The following KCND2 variants were observed in gnomAD, a reference collection of about 807,000 sequenced individuals.
KCND2 encodes A-type voltage-gated potassium channel KCND2.
Under a neutral mutation model 54.4 loss-of-function variants are expected in KCND2, and 16 were observed. The observed-to-expected ratio is 0.29, with a 90% CI of 0.20 to 0.45. KCND2 has a LOEUF of 0.45. KCND2 is among the 20% of genes least tolerant of loss of function. KCND2 has a pLI of 1.00. For missense variants in KCND2, 486 were observed against 824.2 expected (o/e 0.59, Z 5.02); for synonymous variants, 317 against 310.7 (o/e 1.02, Z -0.21).
intron 1 of KCND2, among the ~76,000 whole-genome samples, chr7:120,322,170 CT>C (rs1294978048): frequency 1.3e-5 from 2 of 151,210 alleles, no homozygotes; most frequent in African/African-American, 4.9e-5. Context: ...AGTAAAAAAC[CT>C]TTTTTTAAAA....
intron 1 of KCND2, among the ~76,000 whole-genome samples, chr7:120,461,864 G>A (rs1327613887): frequency 1.3e-5 from 2 of 151,976 alleles, no homozygotes; most frequent in African/African-American, 2.4e-5. Flanking sequence ...AAATCAGTGT[G>A]TATGCTTAGT....
Position 120,749,559 on chromosome 7 carries a change from T to G in KCND2, c.*1701T>G, listed in dbSNP as rs760579848. Reference sequence around the variant, plus strand: ...ATGAGATTTTTAAATGCTTATGATATTTAATCATAAAAAGGGATTAATCCA... The same window carrying G: ...ATGAGATTTTTAAATGCTTATGATAGTTAATCATAAAAAGGGATTAATCCA... On this transcript the variant is annotated 3_prime_UTR_variant, in exon 6 of 6. Coordinates refer to ENST00000331113, the MANE Select transcript of KCND2 (RefSeq NM_012281.3). The G allele has an allele frequency of 5.8e-4, 89 of 152,318 alleles. No homozygotes were observed. The highest frequency in any genetic ancestry group is 8.7e-4 in the Non-Finnish European group (59 of 67,818). 9.4% of individuals were successfully genotyped at this position (152,318 alleles called of 1,614,324 possible).
intron 1 of KCND2, among the ~76,000 whole-genome samples, chr7:120,470,759 T>C (rs1211349757): frequency 6.6e-6 from 1 of 151,920 alleles, no homozygotes; most frequent in Non-Finnish European, 1.5e-5. Flanking sequence ...AAGAGAGGGA[T>C]GGATCTCATG....
intron 1 of KCND2, among the ~76,000 whole-genome samples, chr7:120,298,911 A>G (rs1404934619): frequency 2.0e-5 from 3 of 152,176 alleles, no homozygotes; most frequent in African/African-American, 4.8e-5. Flanking sequence ...TAATCCCAGC[A>G]CTTTGGAAGG....
intron 1 of KCND2, among the ~76,000 whole-genome samples, chr7:120,557,790 A>G (rs776876978): frequency 1.3e-5 from 2 of 152,266 alleles, no homozygotes; most frequent in Non-Finnish European, 2.9e-5. Flanking sequence ...GTAACACTTA[A>G]TAAGTGCTCA....
In KCND2 at chr7:120,685,378, G is replaced by A. The variant is rs564099250; in HGVS notation, c.1116-47525G>A. Among the ~76,000 whole-genome samples, 33 of 152,192 alleles carry A rather than the reference G, an allele frequency of 2.2e-4. No individual in the cohort carries two copies. In the South Asian group the frequency reaches 5.6e-3, roughly 26 times the overall value. ...TTTGAGGGCTAACATATACACCAGCGCATGAGTCTGTCCAGGTTCTCACAA... is the reference window on the plus strand; with the variant it reads ...TTTGAGGGCTAACATATACACCAGCACATGAGTCTGTCCAGGTTCTCACAA... On this transcript the variant is annotated intron_variant, in intron 1 of 5. Transcript: ENST00000331113.
At chr7:120,697,888 A>G (rs1792350746) in intron 1 of KCND2, among the ~76,000 whole-genome samples, 1 of 152,200 alleles carries the variant, frequency 6.6e-6, no homozygotes, top group African/African-American at 2.4e-5. Context: ...TTTACTGGTC[A>G]CCCAATCGTG....
At chr7:120,656,031 T>A (rs999129992) in intron 1 of KCND2, among the ~76,000 whole-genome samples, 2 of 152,176 alleles carry the variant, frequency 1.3e-5, no homozygotes, top group African/African-American at 4.8e-5. Flanking sequence ...AAGTATCCAT[T>A]TGTTTAAAAT....
At chr7:120,742,744 C>T (rs1792958704) in intron 4 of KCND2, 142 bp downstream of exon 4, 2 of 703,284 alleles carry the variant, frequency 2.8e-6, no homozygotes, top group Admixed American at 4.3e-5. Context: ...CAAAACCCCA[C>T]AATATTTGAA....
At chr7:120,683,424 G>T (rs1213887047) in intron 1 of KCND2, among the ~76,000 whole-genome samples, 1 of 152,086 alleles carries the variant, frequency 6.6e-6, no homozygotes, top group Non-Finnish European at 1.5e-5. Context: ...TTTATCTTCT[G>T]CAAAAAGAAA....
chr7:120,300,545 A>T (rs1352666920), intron 1 of KCND2, among the ~76,000 whole-genome samples: 1 of 152,164 alleles, frequency 6.6e-6, no homozygotes, highest in Non-Finnish European at 1.5e-5. Flanking sequence ...TATAGTGAAC[A>T]TGGATATTAT....
At chr7:120,587,586 A>T (rs563007144) in intron 1 of KCND2, among the ~76,000 whole-genome samples, 48 of 152,268 alleles carry the variant, frequency 3.2e-4, no homozygotes, top group African/African-American at 9.9e-4. Flanking sequence ...GGGGAAAAAA[A>T]ATCAAATGTA....
At chr7:120,511,557 T>C (rs1562859716) in intron 1 of KCND2, among the ~76,000 whole-genome samples, 1 of 152,150 alleles carries the variant, frequency 6.6e-6, no homozygotes, top group Non-Finnish European at 1.5e-5. Context: ...TCTTTGGTGA[T>C]GTATACATCC....
At chr7:120,383,420 G>T (rs1447284734) in intron 1 of KCND2, among the ~76,000 whole-genome samples, 1 of 151,872 alleles carries the variant, frequency 6.6e-6, no homozygotes, top group African/African-American at 2.4e-5. Context: ...TTCAAATTAA[G>T]TTTTTCTTCT....
chr7:120,538,276 A>G lies in KCND2; in HGVS notation c.1116-194627A>G, dbSNP rs568044441. Among the ~76,000 whole-genome samples, 11 of 152,340 alleles carry G rather than the reference A, an allele frequency of 7.2e-5. No individual in the cohort carries two copies. In the East Asian group the frequency reaches 2.1e-3, roughly 29 times the overall value. ...AAGTTTGCCATCTTATAGGGACACAATTCGTGACACCTGAAAACAGTTACA... is the reference window on the plus strand; with the variant it reads ...AAGTTTGCCATCTTATAGGGACACAGTTCGTGACACCTGAAAACAGTTACA... On this transcript the variant is annotated intron_variant, in intron 1 of 5. Transcript: ENST00000331113.
At chr7:120,443,646 T>C (rs556571989) in intron 1 of KCND2, among the ~76,000 whole-genome samples, 1 of 152,094 alleles carries the variant, frequency 6.6e-6, no homozygotes, top group East Asian at 1.9e-4. Context: ...TCAATTCCAA[T>C]ACTTTCAAAG....
At chr7:120,338,963 C>T (rs940873775) in intron 1 of KCND2, among the ~76,000 whole-genome samples, 10 of 151,960 alleles carry the variant, frequency 6.6e-5, no homozygotes, top group African/African-American at 2.2e-4. Flanking sequence ...TCACTGCAAG[C>T]TCCACCTCCC....
At chr7:120,461,040 C>G (rs569731995) in intron 1 of KCND2, among the ~76,000 whole-genome samples, 1 of 152,344 alleles carries the variant, frequency 6.6e-6, no homozygotes, top group South Asian at 2.1e-4. Context: ...TTTTGTTCCA[C>G]TGTCACCCTG....
chr7:120,687,764 C>G (rs1255515692), intron 1 of KCND2, among the ~76,000 whole-genome samples: 2 of 152,096 alleles, frequency 1.3e-5, no homozygotes, highest in Non-Finnish European at 2.9e-5. Context: ...TAATACTAAT[C>G]AAACTAATAA....
Sources: gnomAD v4.1 joint callset for allele counts (sites outside exome capture counted in the v4.1 genomes callset) on GRCh38, gnomAD v4.1.1 for gene constraint, MANE v1.5 for transcripts, NCBI Gene and HGNC (gene_info 2026-07-23, HGNC 2026-07-21) for gene names.